The following QTMAN variants were observed in gnomAD, a reference collection of about 807,000 sequenced individuals.
The protein encoded by QTMAN is tRNA-queuosine alpha-mannosyltransferase.
the QTMAN span, among the ~76,000 whole-genome samples, chr2:144,310,418 G>A: frequency 4.6e-5 from 7 of 152,086 alleles, no homozygotes; most frequent in African/African-American, 1.7e-4. Context: ...TTTACATTAA[G>A]TGAGAAAGAA....
the QTMAN span, among the ~76,000 whole-genome samples, chr2:144,257,282 T>C: frequency 6.6e-6 from 1 of 152,126 alleles, no homozygotes; most frequent in Non-Finnish European, 1.5e-5. Flanking sequence ...TCCCTAAAAT[T>C]TGAATGGTTC....
chr2:143,979,630 T>G, the QTMAN span, among the ~76,000 whole-genome samples: 1 of 152,188 alleles, frequency 6.6e-6, no homozygotes, highest in Non-Finnish European at 1.5e-5. Context: ...TTACAATACC[T>G]TCCTCATTTT....
At chr2:144,193,251 C>T in the QTMAN span, among the ~76,000 whole-genome samples, 23 of 151,644 alleles carry the variant, frequency 1.5e-4, no homozygotes, top group African/African-American at 5.1e-4. Context: ...GAATCAAGTA[C>T]CTAGTAGCAA....
At chr2:144,144,394 C>T in the QTMAN span, among the ~76,000 whole-genome samples, 1 of 151,702 alleles carries the variant, frequency 6.6e-6, no homozygotes, top group Non-Finnish European at 1.5e-5. Flanking sequence ...TAGTTTTTTT[C>T]CCAATGATTT....
the QTMAN span, among the ~76,000 whole-genome samples, chr2:144,260,727 T>C: frequency 1.3e-5 from 2 of 151,944 alleles, no homozygotes; most frequent in Non-Finnish European, 2.9e-5. Context: ...AAACCATACA[T>C]GAAACATGTT....
At chr2:144,111,299 G>A in the QTMAN span, among the ~76,000 whole-genome samples, 3 of 152,092 alleles carry the variant, frequency 2.0e-5, no homozygotes, top group Admixed American at 6.5e-5. Context: ...CCTAACTGCT[G>A]TTTCTTCCCC....
the QTMAN span, among the ~76,000 whole-genome samples, chr2:143,961,470 A>C: frequency 6.6e-6 from 1 of 152,088 alleles, no homozygotes; most frequent in Non-Finnish European, 1.5e-5. Context: ...TCTGTTTCCA[A>C]TTTCCTATTT....
chr2:144,212,523 A>T, the QTMAN span, among the ~76,000 whole-genome samples: 1 of 152,134 alleles, frequency 6.6e-6, no homozygotes, highest in Non-Finnish European at 1.5e-5. Flanking sequence ...GGGATGTGGC[A>T]CTTTAAAAGG....
chr2:144,057,562 C>G, the QTMAN span, among the ~76,000 whole-genome samples: 1 of 152,174 alleles, frequency 6.6e-6, no homozygotes, highest in Non-Finnish European at 1.5e-5. Context: ...ATCTGACCTT[C>G]AACTATGTGT....
the QTMAN span, among the ~76,000 whole-genome samples, chr2:144,295,631 G>A: frequency 6.6e-6 from 1 of 152,062 alleles, no homozygotes; most frequent in Non-Finnish European, 1.5e-5. Context: ...TTTGTATTTT[G>A]AGACAGGGTC....
the QTMAN span, chr2:143,941,456 C>A: frequency 6.6e-6 from 1 of 152,154 alleles, no homozygotes; most frequent in Non-Finnish European, 1.5e-5. Context: ...AGGTGGATCA[C>A]GAGGTCAGGA....
At chr2:144,216,717 C>A in the QTMAN span, among the ~76,000 whole-genome samples, 1 of 152,204 alleles carries the variant, frequency 6.6e-6, no homozygotes, top group South Asian at 2.1e-4. Context: ...AGAAGTAACA[C>A]CGATTAAAGA....
At chr2:144,041,334 C>A in the QTMAN span, among the ~76,000 whole-genome samples, 12 of 152,100 alleles carry the variant, frequency 7.9e-5, no homozygotes, top group Admixed American at 4.6e-4. Flanking sequence ...TAAGAAATGG[C>A]GTCATCACTG....
chr2:144,043,213 GTATA>G, the QTMAN span, among the ~76,000 whole-genome samples: 1 of 146,010 alleles, frequency 6.8e-6, no homozygotes, highest in African/African-American at 2.7e-5. Flanking sequence ...AGACGAATAT[GTATA>G]TGTGTGAATT....
the QTMAN span, among the ~76,000 whole-genome samples, chr2:144,328,803 G>A: frequency 6.6e-6 from 1 of 152,136 alleles, no homozygotes; most frequent in Non-Finnish European, 1.5e-5. Flanking sequence ...ACGTCCCTAT[G>A]AAAGCTATTA....
chr2:144,326,854 T>C, the QTMAN span, among the ~76,000 whole-genome samples: 9 of 152,102 alleles, frequency 5.9e-5, no homozygotes, highest in Admixed American at 5.9e-4. Flanking sequence ...ATAATGACCT[T>C]GCTTGAGGAA....
chr2:144,240,928 G>A, the QTMAN span, among the ~76,000 whole-genome samples: 1 of 152,180 alleles, frequency 6.6e-6, no homozygotes. Context: ...GCAGAGTGGT[G>A]CTTCCTACCC....
At chr2:144,144,620 C>T in the QTMAN span, among the ~76,000 whole-genome samples, 1 of 151,846 alleles carries the variant, frequency 6.6e-6, no homozygotes, top group African/African-American at 2.4e-5. Flanking sequence ...TGACGTGAAG[C>T]AGTTGCACTC....
At chr2:144,121,257 C>T in the QTMAN span, among the ~76,000 whole-genome samples, 1 of 152,152 alleles carries the variant, frequency 6.6e-6, no homozygotes. Context: ...AATCACTACC[C>T]TCGCACAGTA....
Sources: allele counts gnomAD v4.1 joint callset (sites outside exome capture counted in the v4.1 genomes callset), GRCh38; gene constraint gnomAD v4.1.1; transcripts MANE v1.5; gene names NCBI Gene and HGNC (gene_info 2026-07-23, HGNC 2026-07-21).